MME: variants seen among roughly 807,000 people sequenced by gnomAD.
MME encodes the protein neprilysin.
MME carries 98 observed loss-of-function variants against 113.2 expected under a neutral mutation model. That is an observed-to-expected ratio of 0.87 (90% CI 0.74 to 1.02). MME has a LOEUF of 1.02. Ranked by LOEUF, MME falls within the 50% of genes least tolerant of loss-of-function variation. The probability of loss-of-function intolerance (pLI) is 0.00; values close to 1 mark genes in which losing one functional copy is unlikely to be tolerated. For synonymous variants in MME, 292 were observed against 300.6 expected, an observed-to-expected ratio of 0.97 and a Z score of 0.30; for missense variants, 836 against 896.0, an observed-to-expected ratio of 0.93 and a Z score of 0.86.
At chr3:155,027,645 T>C (rs1712832093) in intron 1 of MME, among the ~76,000 whole-genome samples, 1 of 152,230 alleles carries the variant, frequency 6.6e-6, no homozygotes, top group South Asian at 2.1e-4. Flanking sequence ...TTCTTTGTGT[T>C]AGGATTTCTT....
At chr3:155,071,640 A>G (rs1714559982) in intron 1 of MME, among the ~76,000 whole-genome samples, 1 of 152,182 alleles carries the variant, frequency 6.6e-6, no homozygotes, top group South Asian at 2.1e-4. Flanking sequence ...TACAATTTCA[A>G]CAAGATGTCC....
chr3:155,045,077 C>T (rs1713506442), intron 1 of MME, among the ~76,000 whole-genome samples: 1 of 151,988 alleles, frequency 6.6e-6, no homozygotes, highest in African/African-American at 2.4e-5. Context: ...GTCCATGAAA[C>T]CCTTTAAACT....
In MME at chr3:155,051,894, C is replaced by T. The variant is rs114050512; in HGVS notation, c.-11+27570C>T. Among the ~76,000 whole-genome samples the T allele has an allele frequency of 6.8e-3, 1,039 of 152,216 alleles. 14 individuals carry two copies. The highest frequency in any genetic ancestry group is 7.4e-3 in the Non-Finnish European group (500 of 68,018). On this transcript the variant is annotated intron_variant, in intron 1 of 22. Coordinates refer to the MME transcript ENST00000492661. ...TATCTGAGACAAGGCAAGTCCCTTC[C>T]GCCTATGAGCCAGTAAAATTAAGAG...
intron 14 of MME, 142 bp from the exon 15 acceptor site, chr3:155,147,002 A>G (rs1268862899): frequency 3.1e-6 from 2 of 645,428 alleles, no homozygotes; most frequent in Non-Finnish European, 5.6e-6. Flanking sequence ...AGCCATTGCA[A>G]AGATCTCTGT....
intron 1 of MME, among the ~76,000 whole-genome samples, chr3:155,064,057 G>T (rs913545740): frequency 2.6e-5 from 4 of 152,044 alleles, no homozygotes; most frequent in Admixed American, 6.6e-5. Context: ...TTGGGAGGCC[G>T]AGGTGAGTGG....
chr3:155,042,802 A>G (rs1713372093), intron 1 of MME, among the ~76,000 whole-genome samples: 1 of 149,530 alleles, frequency 6.7e-6, no homozygotes, highest in African/African-American at 2.4e-5. Flanking sequence ...TTTTCTGTCA[A>G]GTGTTTATCA....
At chr3:155,095,430 T>G (rs763841777) in intron 3 of MME, among the ~76,000 whole-genome samples, 5 of 152,226 alleles carry the variant, frequency 3.3e-5, no homozygotes, top group Non-Finnish European at 5.9e-5. Flanking sequence ...TGGAATATCT[T>G]CCTAAATTTC....
chr3:155,176,762 G>C (rs1198423251), intron 22 of MME, among the ~76,000 whole-genome samples: 2 of 152,128 alleles, frequency 1.3e-5, no homozygotes, highest in East Asian at 1.9e-4. Flanking sequence ...GGAGGTCAAG[G>C]CTGCAGTGAG....
chr3:155,104,371 T>A (rs1259977118), intron 3 of MME, among the ~76,000 whole-genome samples: 1 of 152,224 alleles, frequency 6.6e-6, no homozygotes, highest in African/African-American at 2.4e-5. Context: ...AGCCAAATAC[T>A]GCCTTGTGCC....
chr3:155,150,049 C>T (rs1559952136), intron 16 of MME, among the ~76,000 whole-genome samples: 2 of 152,238 alleles, frequency 1.3e-5, no homozygotes, highest in East Asian at 3.9e-4. Flanking sequence ...AATTTATGAT[C>T]TGAGAAATTT....
intron 1 of MME, among the ~76,000 whole-genome samples, chr3:155,038,016 AAG>A: frequency 6.6e-6 from 1 of 152,268 alleles, no homozygotes. Context: ...AGTCTAATGA[AAG>A]AGAAAATATT....
At chr3:155,036,834 C>T (rs916826595) in intron 1 of MME, among the ~76,000 whole-genome samples, 1 of 152,076 alleles carries the variant, frequency 6.6e-6, no homozygotes, top group African/African-American at 2.4e-5. Flanking sequence ...GGTTGTAAAA[C>T]CTTTCTCCTA....
At chr3:155,048,982 T>C (rs888517106) in intron 1 of MME, among the ~76,000 whole-genome samples, 1 of 152,184 alleles carries the variant, frequency 6.6e-6, no homozygotes, top group African/African-American at 2.4e-5. Flanking sequence ...CATGTTTAAC[T>C]TATTCATTAG....
intron 1 of MME, among the ~76,000 whole-genome samples, chr3:155,049,662 T>TCTAC (rs1023341007): frequency 1.3e-5 from 2 of 151,118 alleles, no homozygotes; most frequent in African/African-American, 4.9e-5. Flanking sequence ...TATCTATCTA[T>TCTAC]CTATCTATCT....
At chr3:155,073,456 A>C (rs948070860) in intron 1 of MME, among the ~76,000 whole-genome samples, 3 of 152,230 alleles carry the variant, frequency 2.0e-5, no homozygotes, top group Admixed American at 2.0e-4. Flanking sequence ...CATGAAGTCT[A>C]CTAAGCCTTG....
intron 3 of MME, chr3:155,090,386 A>G (rs1465024018): frequency 6.6e-6 from 1 of 152,202 alleles, no homozygotes; most frequent in African/African-American, 2.4e-5. Context: ...GATGTCTGAC[A>G]CTGGACTGAA....
chr3:155,140,333 T>G (rs763313328), intron 10 of MME, 41 bp downstream of exon 10: 1 of 1,287,758 alleles, frequency 7.8e-7, no homozygotes, highest in South Asian at 1.2e-5. Context: ...TGTGCCGTTT[T>G]CTAAATTATA....
intron 1 of MME, among the ~76,000 whole-genome samples, chr3:155,049,548 T>A (rs1713683202): frequency 6.6e-6 from 1 of 152,082 alleles, no homozygotes; most frequent in Non-Finnish European, 1.5e-5. Context: ...TTGGTGGAAA[T>A]ATGAATGTTA....
intron 16 of MME, 144 bp downstream of exon 16, chr3:155,148,797 T>A (rs1576645428): frequency 1.5e-6 from 1 of 668,564 alleles, no homozygotes; most frequent in Admixed American, 2.7e-5. Flanking sequence ...TAAAAGCATC[T>A]AATTATGGTA....
Sources: allele counts gnomAD v4.1 joint callset (sites outside exome capture counted in the v4.1 genomes callset), GRCh38; gene constraint gnomAD v4.1.1; transcripts MANE v1.5; gene names NCBI Gene and HGNC (gene_info 2026-07-23, HGNC 2026-07-21).